Variants in LPP observed in about 807,000 individuals in gnomAD.
LPP encodes the protein lipoma-preferred partner.
Under a neutral mutation model 60.4 loss-of-function variants are expected in LPP, and 38 were observed. The ratio of observed to expected loss-of-function variants is 0.63; its 90% CI spans 0.49 to 0.83. The LOEUF is 0.83. LPP is among the 40% of genes least tolerant of loss of function. The pLI, the probability that LPP is intolerant of heterozygous loss-of-function variation, is 0.00. For synonymous variants in LPP, 328 were observed against 290.8 expected (o/e 1.13, Z -1.30); for missense variants, 902 against 783.6 (o/e 1.15, Z -1.80).
Position 188,587,345 on chromosome 3 carries a change from G to A in LPP, c.430-21816G>A, listed in dbSNP as rs1415266071. On this transcript the variant is annotated intron_variant, in intron 6 of 11. Transcript: ENST00000617246. ...GGCCTGGGCGACAGAGCGAGACTCC[G>A]TCTCAAAAAAAAAAAAAAAAAAAAA... Among the ~76,000 whole-genome samples, 2 of 292 alleles carry A rather than the reference G, an allele frequency of 6.8e-3. 1 individual carries two copies. Among genetic ancestry groups the A allele is most frequent in the African/African-American group, 8.3e-3 (2 of 242 alleles). 0.2% of individuals were successfully genotyped at this position (292 alleles called of 152,430 possible).
At position 188,176,405 on chromosome 3, in the gene LPP, ACT is replaced by A. The variant is rs762488333; in HGVS notation, c.-190+22154_-190+22155del. Reference sequence around the variant, plus strand: ...AAAAGATTTGCCTAGAGTCACACACACTGTCAGGTCAGGTAGAGTCAAAATCA... The same window carrying A: ...AAAAGATTTGCCTAGAGTCACACACAGTCAGGTCAGGTAGAGTCAAAATCA... On this transcript the variant is annotated intron_variant, in intron 1 of 11. Transcript: ENST00000617246. Among the ~76,000 whole-genome samples the A allele has an allele frequency of 3.2e-4, 48 of 152,168 alleles. 1 individual carries two copies. Among genetic ancestry groups the A allele is most frequent in the Non-Finnish European group, 6.5e-4 (44 of 68,030 alleles).
chr3:188,496,080 G>A (rs115007152), intron 5 of LPP, among the ~76,000 whole-genome samples: 1 of 151,994 alleles, frequency 6.6e-6, no homozygotes, highest in African/African-American at 2.4e-5. Flanking sequence ...TAACTTCTGT[G>A]AGTTTGACTT....
chr3:188,758,861 T>A (rs1481870177), intron 8 of LPP: 1 of 152,242 alleles, frequency 6.6e-6, no homozygotes, highest in Non-Finnish European at 1.5e-5. Flanking sequence ...AGTTTCCTCA[T>A]CTGTGAAATA....
intron 9 of LPP, among the ~76,000 whole-genome samples, chr3:188,782,096 A>G (rs1197235669): frequency 6.6e-6 from 1 of 152,186 alleles, no homozygotes; most frequent in African/African-American, 2.4e-5. Context: ...AGCCCACAGT[A>G]TATCCTGTCT....
At chr3:188,193,302 G>A (rs1728679803) in intron 1 of LPP, among the ~76,000 whole-genome samples, 1 of 152,258 alleles carries the variant, frequency 6.6e-6, no homozygotes, top group Admixed American at 6.5e-5. Context: ...ATAGCATGGC[G>A]ATGAAGAACA....
chr3:188,179,579 C>T (rs1724304863), intron 1 of LPP: 1 of 431,110 alleles, frequency 2.3e-6, no homozygotes, highest in Non-Finnish European at 4.7e-6. Context: ...AGAGGTCTGT[C>T]TCCTGCCAGC....
rs1804407169 is a variant in LPP at position 188,480,276 on chromosome 3, C to A, written c.194-4316C>A. Among the ~76,000 whole-genome samples the A allele has an allele frequency of 2.6e-5, 4 of 152,128 alleles. No individual in the cohort carries two copies. In the South Asian group the frequency reaches 8.3e-4, roughly 32 times the overall value. On this transcript the variant is annotated intron_variant, in intron 4 of 11. Transcript: ENST00000617246. Reference sequence around the variant, plus strand: ...TCAGAGATGGAATACTTGATTTGTCCAACTCCTCATTTAACTGTTTCTTGC... The same window carrying A: ...TCAGAGATGGAATACTTGATTTGTCAAACTCCTCATTTAACTGTTTCTTGC...
intron 5 of LPP, among the ~76,000 whole-genome samples, chr3:188,488,490 C>A (rs1807294519): frequency 6.6e-6 from 1 of 152,074 alleles, no homozygotes; most frequent in Non-Finnish European, 1.5e-5. Context: ...TTTATTAATT[C>A]ATTTGTTCTT....
intron 4 of LPP, among the ~76,000 whole-genome samples, chr3:188,468,878 G>C (rs1801094994): frequency 6.6e-6 from 1 of 152,136 alleles, no homozygotes. Flanking sequence ...TGAAGCAGGA[G>C]GAGGGAACAA....
intron 9 of LPP, among the ~76,000 whole-genome samples, chr3:188,779,396 G>A (rs1738887766): frequency 6.6e-6 from 1 of 152,150 alleles, no homozygotes; most frequent in South Asian, 2.1e-4. Context: ...CAGATCTGAG[G>A]ATGGCAGAAG....
chr3:188,419,046 G>A (rs1787088394), intron 4 of LPP, among the ~76,000 whole-genome samples: 1 of 152,080 alleles, frequency 6.6e-6, no homozygotes, highest in Admixed American at 6.6e-5. Context: ...ATTACCTCCT[G>A]GGAAAGAAAT....
intron 3 of LPP, among the ~76,000 whole-genome samples, chr3:188,404,511 T>G (rs1178143873): frequency 6.6e-6 from 1 of 152,194 alleles, no homozygotes; most frequent in East Asian, 1.9e-4. Context: ...TCCAAAGTGC[T>G]CGGATTAGAG....
At chr3:188,226,036 T>C (rs910484333) in intron 2 of LPP, among the ~76,000 whole-genome samples, 1 of 152,136 alleles carries the variant, frequency 6.6e-6, no homozygotes, top group Non-Finnish European at 1.5e-5. Flanking sequence ...TGAGATGGAG[T>C]CTTGCTCTGT....
intron 9 of LPP, among the ~76,000 whole-genome samples, chr3:188,810,940 G>A (rs1245921320): frequency 2.6e-5 from 4 of 151,924 alleles, no homozygotes; most frequent in Non-Finnish European, 4.4e-5. Context: ...AATTATTTAT[G>A]GTTAGGTTCA....
At chr3:188,205,918 G>A (rs1391926462) in intron 1 of LPP, among the ~76,000 whole-genome samples, 1 of 152,100 alleles carries the variant, frequency 6.6e-6, no homozygotes, top group African/African-American at 2.4e-5. Flanking sequence ...TTCCTATTTT[G>A]TAAGCTAAAC....
At chr3:188,566,759 C>A in intron 6 of LPP, among the ~76,000 whole-genome samples, 1 of 151,860 alleles carries the variant, frequency 6.6e-6, no homozygotes, top group East Asian at 2.0e-4. Context: ...TCCAATTTGC[C>A]TTTAATTAGT....
chr3:188,800,519 A>C (rs540350285), intron 9 of LPP, among the ~76,000 whole-genome samples: 3 of 152,162 alleles, frequency 2.0e-5, no homozygotes, highest in Admixed American at 6.5e-5. Context: ...TGCTGGGATT[A>C]CAGGCGTGAG....
intron 6 of LPP, among the ~76,000 whole-genome samples, chr3:188,582,394 T>C (rs776950271): frequency 9.2e-5 from 14 of 152,066 alleles, no homozygotes; most frequent in South Asian, 6.2e-4. Flanking sequence ...TTGGCCAGTC[T>C]TGTCTCGAAC....
intron 3 of LPP, among the ~76,000 whole-genome samples, chr3:188,371,529 AG>A (rs1773067866): frequency 6.7e-6 from 1 of 149,080 alleles, no homozygotes; most frequent in Non-Finnish European, 1.5e-5. Context: ...GGTCTAGGGA[AG>A]AAAAACATCA....
Sources: allele counts gnomAD v4.1 joint callset (sites outside exome capture counted in the v4.1 genomes callset), GRCh38; gene constraint gnomAD v4.1.1; transcripts MANE v1.5; gene names NCBI Gene and HGNC (gene_info 2026-07-23, HGNC 2026-07-21).